SCN2A: variants seen among roughly 807,000 people sequenced by gnomAD.
SCN2A encodes sodium voltage-gated channel alpha subunit 2.
Under a neutral mutation model 188.7 loss-of-function variants are expected in SCN2A, and 20 were observed. The observed-to-expected ratio is 0.11, with a 90% CI of 0.07 to 0.15. The LOEUF is 0.15. Ranked by LOEUF, SCN2A falls within the 10% of genes least tolerant of loss-of-function variation. The pLI, the probability that SCN2A is intolerant of heterozygous loss-of-function variation, is 1.00. For missense variants in SCN2A, 1,278 were observed against 2,445.0 expected (o/e 0.52, Z 10.07); for synonymous variants, 804 against 833.1 (o/e 0.97, Z 0.60).
At position 165,307,924 on chromosome 2, in the gene SCN2A, A is replaced by G; in HGVS notation, c.463A>G (p.Thr155Ala). The G allele has an allele frequency of 6.2e-7, 1 of 1,604,322 alleles. No individual in the cohort carries two copies. The highest frequency in any genetic ancestry group is 1.7e-4 in the Middle Eastern group (1 of 6,036). Residue 155 changes from threonine to alanine, a missense_variant, in exon 4 of 27, where the codon ACA (threonine) becomes GCA (alanine). Physicochemically the swap from Thr to Ala is moderately conservative, Grantham distance 58 (BLOSUM62 0). Coordinates refer to ENST00000375437, the MANE Select transcript of SCN2A (RefSeq NM_001040142.2). Reference sequence around the variant, plus strand: ...GACCATGAGTAACCCTCCAGACTGGACAAAGAATGTGGAGTAAGTATAAAT... The same window carrying G: ...GACCATGAGTAACCCTCCAGACTGGGCAAAGAATGTGGAGTAAGTATAAAT... Reference protein sequence around the residue: ...FMTMSNPPDWTKNVEYTFTGI... With the variant: ...FMTMSNPPDWAKNVEYTFTGI...
At chr2:165,364,766 C>T (rs1700637153) in intron 17 of SCN2A, among the ~76,000 whole-genome samples, 1 of 152,152 alleles carries the variant, frequency 6.6e-6, no homozygotes, top group South Asian at 2.1e-4. Context: ...GGTTGGGTCA[C>T]AATTTTAGAA....
intron 17 of SCN2A, among the ~76,000 whole-genome samples, chr2:165,355,748 G>T (rs201499209): frequency 6.6e-6 from 1 of 151,848 alleles, no homozygotes; most frequent in Non-Finnish European, 1.5e-5. Context: ...GGAAAATATA[G>T]TTATAAAAAA....
intron 11 of SCN2A, 96 bp from the exon 12 acceptor site, chr2:165,323,060 C>A: frequency 2.5e-6 from 3 of 1,178,298 alleles, no homozygotes; most frequent in Admixed American, 4.0e-5. Flanking sequence ...TTGAGTAAGT[C>A]AATGACTATG....
At chr2:165,302,242 A>G (rs1460586857) in intron 3 of SCN2A, among the ~76,000 whole-genome samples, 2 of 152,200 alleles carry the variant, frequency 1.3e-5, no homozygotes, top group Admixed American at 1.3e-4. Context: ...CTACTGGCAA[A>G]TAGGAGTTTG....
At chr2:165,303,270 GTTTTTTTT>G (rs71028477) in intron 3 of SCN2A, among the ~76,000 whole-genome samples, 4 of 91,330 alleles carry the variant, frequency 4.4e-5, no homozygotes, top group African/African-American at 1.6e-4. Flanking sequence ...TGTTATTTGA[GTTTTTTTT>G]TTTTTTTTTT....
At chr2:165,380,045 T>C (rs1384536057) in intron 23 of SCN2A, among the ~76,000 whole-genome samples, 1 of 151,832 alleles carries the variant, frequency 6.6e-6, no homozygotes, top group Non-Finnish European at 1.5e-5. Context: ...CAATGATTCT[T>C]GCCTATCTAA....
At chr2:165,302,777 G>T (rs1696892338) in intron 3 of SCN2A, among the ~76,000 whole-genome samples, 1 of 152,130 alleles carries the variant, frequency 6.6e-6, no homozygotes, top group Non-Finnish European at 1.5e-5. Context: ...CGGAGACAGG[G>T]GTGGGTGTGC....
In SCN2A at chr2:165,323,852, T is replaced by C. The variant is rs116395760; in HGVS notation, c.2016+352T>C. On this transcript the variant is annotated intron_variant, in intron 12 of 26. Transcript: ENST00000375437. ...TAATGCTCACTAATTAAATAAATAC[T>C]TAAGGATTTTGTGATTGTTGTTCAT... Among the ~76,000 whole-genome samples the C allele has an allele frequency of 5.1e-3, 771 of 152,328 alleles. 6 individuals are homozygous for C. The highest frequency in any genetic ancestry group is 0.018 in the African/African-American group (738 of 41,560).
At chr2:165,271,411 ACTCGATG>A (rs2017600289) in intron 1 of SCN2A, 1 of 152,058 alleles carries the variant, frequency 6.6e-6, no homozygotes, top group South Asian at 2.1e-4. Context: ...CATAGGAGAT[ACTCGATG>A]GGAATTCTGT....
At chr2:165,328,703 T>C (rs116558369) in intron 13 of SCN2A, among the ~76,000 whole-genome samples, 207 of 152,336 alleles carry the variant, frequency 1.4e-3, no homozygotes, top group African/African-American at 4.8e-3. Context: ...CATGGAACTA[T>C]GTGACATGGG....
At chr2:165,355,986 G>A (rs1441345957) in intron 17 of SCN2A, among the ~76,000 whole-genome samples, 2 of 141,050 alleles carry the variant, frequency 1.4e-5, no homozygotes, top group Non-Finnish European at 1.5e-5. Flanking sequence ...GCAACAGGAT[G>A]AAACTCTGTC....
Position 165,367,205 on chromosome 2 carries a change from C to T in SCN2A, c.3521-12C>T, listed in dbSNP as rs370419172. 9.3e-6 allele frequency: 15 copies of T among 1,613,422 alleles called. No homozygotes were observed. In the African/African-American group the frequency reaches 1.7e-4, roughly 19 times the overall value. ...TAATTTTTTGTCTTCATTTTTTTCC[C>T]ACATATTTTAGACTGTGTACGGAAG... is the stretch of plus-strand genomic sequence containing the variant. On this transcript the variant is annotated splice_polypyrimidine_tract_variant and intron_variant, in intron 18 of 26. Coordinates refer to ENST00000375437, the MANE Select transcript of SCN2A (RefSeq NM_001040142.2).
intron 16 of SCN2A, 77 bp from the exon 17 acceptor site, chr2:165,354,115 A>G: frequency 2.5e-6 from 4 of 1,571,598 alleles, no homozygotes; most frequent in Non-Finnish European, 3.5e-6. Context: ...GTCAAGAACA[A>G]TCTTAGAAAA....
intron 3 of SCN2A, 45 bp from the exon 4 acceptor site, chr2:165,307,803 G>A (rs766162472): frequency 3.7e-6 from 5 of 1,352,562 alleles, no homozygotes; most frequent in Non-Finnish European, 5.3e-6. Flanking sequence ...GTGCATAAAA[G>A]TAAGATTTTT....
At chr2:165,259,776 T>G (rs2106083726) in intron 1 of SCN2A, among the ~76,000 whole-genome samples, 1 of 152,166 alleles carries the variant, frequency 6.6e-6, no homozygotes, top group Non-Finnish European at 1.5e-5. Context: ...TCTTCCAAAT[T>G]CCTGTTAATG....
In SCN2A at chr2:165,344,803, C is replaced by T. The variant is rs779791354; in HGVS notation, c.2811C>T (p.Arg937=). 2.3e-5 allele frequency: 37 copies of T among 1,614,018 alleles called. No individual in the cohort carries two copies. The highest frequency in any genetic ancestry group is 2.0e-4 in the East Asian group (9 of 44,894). ...TCCACTCCTTCCTGATCGTGTTCCG[C>T]GTGCTGTGTGGAGAGTGGATAGAGA... The part of the protein sequence containing the change: ...DFFHSFLIVF[R]VLCGEWIETM... Residue 937 remains arginine (R), a synonymous_variant, in exon 16 of 27, where the codon CGC becomes CGT. Transcript: ENST00000375437.
At chr2:165,285,163 T>A (rs539030715) in intron 1 of SCN2A, 2 of 152,668 alleles carry the variant, frequency 1.3e-5, no homozygotes, top group African/African-American at 4.8e-5. Context: ...TAATGGAATA[T>A]CTAAAGAATG....
At chr2:165,372,410 ATTTATT>A (rs1701085402) in intron 20 of SCN2A, 2 of 152,052 alleles carry the variant, frequency 1.3e-5, no homozygotes, top group Non-Finnish European at 2.9e-5. Context: ...TGTATTGCAT[ATTTATT>A]TTTATTTATC....
chr2:165,354,164 A>G, intron 16 of SCN2A, 28 bp from the exon 17 acceptor site: 2 of 1,612,774 alleles, frequency 1.2e-6, no homozygotes, highest in South Asian at 1.1e-5. Context: ...GAATGTTTTG[A>G]TCACCTGTTT....
Sources: allele counts gnomAD v4.1 joint callset (sites outside exome capture counted in the v4.1 genomes callset), GRCh38; gene constraint gnomAD v4.1.1; transcripts MANE v1.5; gene names NCBI Gene and HGNC (gene_info 2026-07-23, HGNC 2026-07-21).